KCNIP4: variants seen among roughly 807,000 people sequenced by gnomAD.
KCNIP4 encodes potassium voltage-gated channel interacting protein 4, also known as Kv channel-interacting protein 4.
Under a neutral mutation model 34.0 loss-of-function variants are expected in KCNIP4, and 12 were observed. The ratio of observed to expected loss-of-function variants is 0.35; its 90% CI spans 0.23 to 0.57. The LOEUF (loss-of-function observed/expected upper bound fraction) is 0.57. Among genes scored for constraint, KCNIP4 ranks in the 20% least tolerant of loss-of-function variants. The probability of loss-of-function intolerance (pLI) is 0.83; values close to 1 mark genes in which losing one functional copy is unlikely to be tolerated. For missense variants in KCNIP4, 238 were observed against 311.7 expected, an observed-to-expected ratio of 0.76 and a Z score of 1.78; for synonymous variants, 124 against 102.2, an observed-to-expected ratio of 1.21 and a Z score of -1.29.
intron 1 of KCNIP4, among the ~76,000 whole-genome samples, chr4:21,099,133 A>C (rs1469248757): frequency 6.6e-6 from 1 of 152,206 alleles, no homozygotes; most frequent in East Asian, 1.9e-4. Flanking sequence ...TGCCCAAAGA[A>C]ATATAAATCA....
chr4:21,504,737 T>C (rs187881748), intron 1 of KCNIP4, among the ~76,000 whole-genome samples: 1 of 152,250 alleles, frequency 6.6e-6, no homozygotes, highest in East Asian at 1.9e-4. Context: ...TATCAGATGA[T>C]ATTTTAGATA....
intron 1 of KCNIP4, chr4:21,848,864 G>C (rs950254735): frequency 6.6e-6 from 1 of 151,938 alleles, no homozygotes; most frequent in Non-Finnish European, 1.5e-5. Context: ...AGGGTGCTAA[G>C]AATACATGTG....
chr4:20,883,792 C>A (rs1259628212), intron 1 of KCNIP4, among the ~76,000 whole-genome samples: 1 of 152,216 alleles, frequency 6.6e-6, no homozygotes, highest in Non-Finnish European at 1.5e-5. Context: ...ACAGTATCCA[C>A]TGGCTAAAAC....
intron 1 of KCNIP4, among the ~76,000 whole-genome samples, chr4:20,957,280 C>G (rs1426023776): frequency 6.6e-6 from 1 of 152,132 alleles, no homozygotes; most frequent in Non-Finnish European, 1.5e-5. Flanking sequence ...ACTGACACCA[C>G]TGTTGATTTA....
chr4:21,463,532 C>G (rs66652160), intron 1 of KCNIP4, among the ~76,000 whole-genome samples: 2 of 151,280 alleles, frequency 1.3e-5, no homozygotes, highest in African/African-American at 4.9e-5. Context: ...GTTTCTTTCA[C>G]TTAGTATAAT....
chr4:20,907,916 T>G (rs542266262), intron 1 of KCNIP4, among the ~76,000 whole-genome samples: 3 of 151,750 alleles, frequency 2.0e-5, no homozygotes, highest in South Asian at 4.2e-4. Context: ...AATCGTCAAG[T>G]TTTTTTTAGC....
chr4:21,686,486 A>T (rs1750811721), intron 1 of KCNIP4, among the ~76,000 whole-genome samples: 1 of 152,146 alleles, frequency 6.6e-6, no homozygotes, highest in South Asian at 2.1e-4. Flanking sequence ...TATTTTAAAA[A>T]CATTAAAATT....
At chr4:21,512,168 GGGAGGAAGGAAGGAACGAAC>G (rs1193000772) in intron 1 of KCNIP4, among the ~76,000 whole-genome samples, 1 of 129,998 alleles carries the variant, frequency 7.7e-6, no homozygotes, top group African/African-American at 3.0e-5. Context: ...GAGGGAGGGA[GGGAGGAAGGAAGGAACGAAC>G]GAAGGAACGA....
chr4:21,321,118 T>C (rs1218720301), intron 1 of KCNIP4, among the ~76,000 whole-genome samples: 2 of 152,164 alleles, frequency 1.3e-5, no homozygotes, highest in East Asian at 3.9e-4. Flanking sequence ...TAAGAACTTA[T>C]TCTGCATACA....
chr4:21,015,575 TTAA>T (rs1240741615), intron 1 of KCNIP4, among the ~76,000 whole-genome samples: 1 of 116,630 alleles, frequency 8.6e-6, no homozygotes, highest in Non-Finnish European at 1.7e-5. Context: ...GTATATTGTA[TTAA>T]TATAATATAA....
intron 3 of KCNIP4, among the ~76,000 whole-genome samples, chr4:20,795,146 T>G (rs1713284859): frequency 1.3e-5 from 2 of 152,176 alleles, no homozygotes; most frequent in African/African-American, 4.8e-5. Flanking sequence ...AATGTACACA[T>G]GCTGAGGAGA....
intron 1 of KCNIP4, among the ~76,000 whole-genome samples, chr4:21,395,330 A>T (rs1409771640): frequency 6.6e-6 from 1 of 152,082 alleles, no homozygotes; most frequent in African/African-American, 2.4e-5. Context: ...CCATACACAA[A>T]CATTATTATC....
At chr4:21,794,247 A>G (rs890493708) in intron 1 of KCNIP4, among the ~76,000 whole-genome samples, 2 of 151,912 alleles carry the variant, frequency 1.3e-5, no homozygotes, top group African/African-American at 2.4e-5. Context: ...CGTTGTGCAC[A>G]TGTACCCCAA....
At chr4:21,192,676 A>C (rs1755735913) in intron 1 of KCNIP4, among the ~76,000 whole-genome samples, 1 of 152,164 alleles carries the variant, frequency 6.6e-6, no homozygotes, top group Non-Finnish European at 1.5e-5. Flanking sequence ...ACAGCATCTA[A>C]GTGATTCATT....
intron 1 of KCNIP4, among the ~76,000 whole-genome samples, chr4:21,077,736 G>A (rs1405008878): frequency 6.6e-6 from 1 of 151,826 alleles, no homozygotes; most frequent in Non-Finnish European, 1.5e-5. Context: ...ACATATAAAA[G>A]CATAAAGAGT....
At chr4:21,171,911 T>C (rs908981034) in intron 1 of KCNIP4, among the ~76,000 whole-genome samples, 4 of 152,196 alleles carry the variant, frequency 2.6e-5, no homozygotes, top group Non-Finnish European at 5.9e-5. Flanking sequence ...GGAACTTGTG[T>C]TCTACAAACT....
intron 3 of KCNIP4, among the ~76,000 whole-genome samples, chr4:20,826,414 A>ATT (rs111656353): frequency 6.9e-6 from 1 of 145,020 alleles, no homozygotes; most frequent in Non-Finnish European, 1.5e-5. Flanking sequence ...CATCTCTAAA[A>ATT]TTTTTTTTTT....
At chr4:21,866,145 A>C (rs1448876854) in intron 1 of KCNIP4, among the ~76,000 whole-genome samples, 1 of 152,150 alleles carries the variant, frequency 6.6e-6, no homozygotes, top group Non-Finnish European at 1.5e-5. Context: ...TAATTAAAAT[A>C]ATTCATTTTT....
Position 21,764,380 on chromosome 4 carries a change from C to A in KCNIP4, c.61+184191G>T, listed in dbSNP as rs149265079. On this transcript the variant is annotated intron_variant, in intron 1 of 8. Coordinates refer to ENST00000382152, the MANE Select transcript of KCNIP4 (RefSeq NM_025221.6). Reference sequence around the variant, plus strand: ...CAGAAGAGAAATAAGAAAAGTCCAACCAGAAAGTTCATAAATGAGCTAGTT... The same window carrying A: ...CAGAAGAGAAATAAGAAAAGTCCAAACAGAAAGTTCATAAATGAGCTAGTT... 3.0e-3 allele frequency among the ~76,000 whole-genome samples: 458 copies of A among 152,152 alleles called. 2 individuals carry two copies. The highest frequency in any genetic ancestry group is 0.01 in the African/African-American group (430 of 41,546).
Sources: allele counts gnomAD v4.1 joint callset (sites outside exome capture counted in the v4.1 genomes callset), GRCh38; gene constraint gnomAD v4.1.1; transcripts MANE v1.5; gene names NCBI Gene and HGNC (gene_info 2026-07-23, HGNC 2026-07-21).